The following SNTB1 variants were observed in gnomAD, a reference collection of about 807,000 sequenced individuals.
SNTB1 encodes syntrophin beta 1.
Under a neutral mutation model 48.9 loss-of-function variants are expected in SNTB1, and 36 were observed. The ratio of observed to expected loss-of-function variants is 0.74; its 90% CI spans 0.56 to 0.97. SNTB1 has a LOEUF of 0.97. Among genes scored for constraint, SNTB1 ranks in the 50% least tolerant of loss-of-function variants. The probability of loss-of-function intolerance (pLI) is 0.00; values close to 1 mark genes in which losing one functional copy is unlikely to be tolerated. For synonymous variants in SNTB1, 299 were observed against 294.6 expected (o/e 1.01, Z -0.15); for missense variants, 786 against 703.4 (o/e 1.12, Z -1.33).
At position 120,632,480 on chromosome 8, in the gene SNTB1, G is replaced by A. The variant is rs1817000144; in HGVS notation, c.960C>T (p.Ser320=). ...GCCAGCCAAGATGCCTAATCTCTCG[G>A]CTCCCAGCAATGCCTGTTTTCCCCA... ...EQLGKTGIAG[S]REIRHLGWLA... The change falls in exon 3 of 7, where the codon AGC becomes AGT. Residue 320 remains serine, a synonymous_variant. Coordinates refer to ENST00000517992, the MANE Select transcript of SNTB1 (RefSeq NM_021021.4). 1.2e-6 allele frequency: 2 copies of A among 1,613,964 alleles called. No individual in the cohort carries two copies. Among genetic ancestry groups the A allele is most frequent in the Non-Finnish European group, 1.7e-6 (2 of 1,180,030 alleles).
chr8:120,690,821 T>C (rs1439156930), intron 2 of SNTB1, among the ~76,000 whole-genome samples: 1 of 152,186 alleles, frequency 6.6e-6, no homozygotes, highest in Admixed American at 6.5e-5. Context: ...TCCTTTTTAT[T>C]TTCTTCTCTT....
intron 2 of SNTB1, among the ~76,000 whole-genome samples, chr8:120,689,610 C>G (rs995792253): frequency 6.6e-6 from 1 of 152,188 alleles, no homozygotes; most frequent in Non-Finnish European, 1.5e-5. Flanking sequence ...TCCACACTCT[C>G]TCTTTATCAT....
At chr8:120,555,178 G>A (rs1277544516) in intron 4 of SNTB1, among the ~76,000 whole-genome samples, 2 of 152,132 alleles carry the variant, frequency 1.3e-5, no homozygotes, top group Non-Finnish European at 2.9e-5. Context: ...GTTGTCCCGC[G>A]CCAGGAAAAT....
intron 2 of SNTB1, among the ~76,000 whole-genome samples, chr8:120,691,928 G>A (rs116196570): frequency 2.6e-4 from 39 of 152,226 alleles, no homozygotes; most frequent in African/African-American, 9.4e-4. Flanking sequence ...GTGGGTAAAA[G>A]CCCAGGGAAA....
At chr8:120,732,383 T>C (rs1045878613) in intron 1 of SNTB1, among the ~76,000 whole-genome samples, 2 of 152,236 alleles carry the variant, frequency 1.3e-5, no homozygotes, top group African/African-American at 4.8e-5. Flanking sequence ...TTAATACTCA[T>C]GTTTAACCAG....
intron 1 of SNTB1, among the ~76,000 whole-genome samples, chr8:120,713,940 T>C (rs1307853350): frequency 1.3e-5 from 2 of 152,114 alleles, no homozygotes; most frequent in African/African-American, 4.8e-5. Flanking sequence ...AATTATTATT[T>C]AAAAGAGGAA....
chr8:120,673,837 G>A (rs909608935), intron 2 of SNTB1, among the ~76,000 whole-genome samples: 1 of 152,106 alleles, frequency 6.6e-6, no homozygotes, highest in African/African-American at 2.4e-5. Flanking sequence ...GCAGTTCTAA[G>A]CTGAAAGGCT....
At chr8:120,553,045 A>T (rs1177762656) in intron 4 of SNTB1, among the ~76,000 whole-genome samples, 1 of 152,156 alleles carries the variant, frequency 6.6e-6, no homozygotes, top group Non-Finnish European at 1.5e-5. Flanking sequence ...GAGCGCTGTA[A>T]ATACAGATGA....
In SNTB1 at chr8:120,575,759, T is replaced by C. The variant is rs547939695; in HGVS notation, c.997-534A>G. Among the ~76,000 whole-genome samples the C allele has an allele frequency of 4.6e-5, 7 of 152,356 alleles. 1 individual carries two copies. In the South Asian group the frequency reaches 8.3e-4, roughly 18 times the overall value. ...GGCATCATCTTGAAACTTCTCTGGT[T>C]CTGTTGAATGTCCAGTTCCATTCAC... On this transcript the variant is annotated intron_variant, in intron 3 of 6. Transcript: ENST00000517992.
intron 2 of SNTB1, chr8:120,655,089 A>G (rs183537338): frequency 2.4e-4 from 88 of 372,222 alleles, no homozygotes; most frequent in Middle Eastern, 3.6e-4. Flanking sequence ...ACTCTAGATC[A>G]TGACATTTTG....
At chr8:120,543,952 C>T (rs528771286) in intron 5 of SNTB1, among the ~76,000 whole-genome samples, 1 of 99,048 alleles carries the variant, frequency 1.0e-5, no homozygotes, top group South Asian at 3.9e-4. Context: ...CCTGTCTTGA[C>T]CCCTCCATTT....
chr8:120,547,678 A>T (rs1377802047), intron 5 of SNTB1, among the ~76,000 whole-genome samples: 1 of 151,870 alleles, frequency 6.6e-6, no homozygotes, highest in Non-Finnish European at 1.5e-5. Context: ...GCAGGTCCTT[A>T]ATACATACTG....
At position 120,536,861 on chromosome 8, in the gene SNTB1, A is replaced by T. The variant is rs1351123422; in HGVS notation, c.*2016T>A. 6.6e-6 allele frequency: 1 copy of T among 152,006 alleles called. No individual in the cohort carries two copies. The highest frequency in any genetic ancestry group is 6.5e-5 in the Admixed American group (1 of 15,268). 9.4% of individuals were successfully genotyped at this position (152,006 alleles called of 1,614,324 possible). A position where few individuals can be genotyped will look rare whatever the true frequency, so the allele number is the denominator to read the frequency against. The stretch of plus-strand genomic sequence containing the variant: ...CAACTTAATTATGAGCAGTTAACTC[A>T]TACTTCATGTAGAACCGAGCACCTT... On this transcript the variant is annotated 3_prime_UTR_variant, in exon 7 of 7. Coordinates refer to ENST00000517992, the MANE Select transcript of SNTB1 (RefSeq NM_021021.4).
chr8:120,663,959 C>T (rs1356644473), intron 2 of SNTB1, among the ~76,000 whole-genome samples: 3 of 152,274 alleles, frequency 2.0e-5, no homozygotes, highest in South Asian at 2.1e-4. Flanking sequence ...CCTCCAAATA[C>T]TGAACTCAAA....
intron 3 of SNTB1, among the ~76,000 whole-genome samples, chr8:120,592,039 T>C (rs926586647): frequency 1.3e-4 from 20 of 152,206 alleles, no homozygotes; most frequent in African/African-American, 4.8e-4. Context: ...ACTAATTATA[T>C]ACAGTTGATC....
At chr8:120,665,671 T>A (rs905865871) in intron 2 of SNTB1, among the ~76,000 whole-genome samples, 3 of 152,182 alleles carry the variant, frequency 2.0e-5, no homozygotes, top group African/African-American at 7.2e-5. Flanking sequence ...AAATGTTTTG[T>A]TTTCTGCTAG....
chr8:120,593,239 G>A (rs952783786), intron 3 of SNTB1, among the ~76,000 whole-genome samples: 4 of 152,134 alleles, frequency 2.6e-5, no homozygotes, highest in Admixed American at 2.6e-4. Flanking sequence ...AACCGGCACA[G>A]ACTCCCACTG....
intron 1 of SNTB1, among the ~76,000 whole-genome samples, chr8:120,782,472 TG>T (rs1173932172): frequency 6.6e-6 from 1 of 152,192 alleles, no homozygotes; most frequent in Non-Finnish European, 1.5e-5. Flanking sequence ...CAACATTTAT[TG>T]GTTAGAGATT....
chr8:120,583,495 G>A lies in SNTB1; in HGVS notation c.997-8270C>T, dbSNP rs769895484. ...ACACTTCACTCCAGCCTGGGTGAAA[G>A]AGGGAAACTCCGTCTCAAAACACAC... On this transcript the variant is annotated intron_variant, in intron 3 of 6. Coordinates refer to ENST00000517992, the MANE Select transcript of SNTB1 (RefSeq NM_021021.4). Among the ~76,000 whole-genome samples, 30 of 147,852 alleles carry A rather than the reference G, an allele frequency of 2.0e-4. 1 individual carries two copies. The highest frequency in any genetic ancestry group is 6.5e-4 in the South Asian group (3 of 4,626).
Sources: allele counts gnomAD v4.1 joint callset (sites outside exome capture counted in the v4.1 genomes callset), GRCh38; gene constraint gnomAD v4.1.1; transcripts MANE v1.5; gene names NCBI Gene and HGNC (gene_info 2026-07-23, HGNC 2026-07-21).